Variants in SEMA7A observed in about 807,000 individuals in gnomAD.
The protein encoded by SEMA7A is semaphorin 7A (JohnMiltonHagen blood group).
SEMA7A carries 21 observed loss-of-function variants against 67.5 expected under a neutral mutation model. The observed-to-expected ratio is 0.31, with a 90% CI of 0.22 to 0.45. The LOEUF (loss-of-function observed/expected upper bound fraction) is 0.45. Among genes scored for constraint, SEMA7A ranks in the 20% least tolerant of loss-of-function variants. SEMA7A has a pLI of 1.00. For synonymous variants in SEMA7A, 364 were observed against 368.5 expected (o/e 0.99, Z 0.14); for missense variants, 774 against 908.6 (o/e 0.85, Z 1.90).
At chr15:74,416,028 G>C in intron 7 of SEMA7A, 43 bp from the exon 8 acceptor site, 1 of 1,588,840 alleles carries the variant, frequency 6.3e-7, no homozygotes, top group African/African-American at 1.3e-5. Context: ...GCACCTGCCC[G>C]GGCTTCCCCA....
chr15:74,421,659 C>G (rs1474864727), intron 1 of SEMA7A, among the ~76,000 whole-genome samples: 1 of 152,218 alleles, frequency 6.6e-6, no homozygotes, highest in Non-Finnish European at 1.5e-5. Flanking sequence ...CCCGCACCGC[C>G]TGAGGCCCTC....
chr15:74,418,870 C>T lies in SEMA7A; in HGVS notation c.261G>A (p.Val87=). The part of the protein sequence containing the change: ...VLFHEPGSSS[V]WVGGRGKVYL... ...AGACCTTGCCACGTCCTCCCACCCA[C>T]ACAGAGGAGCTGCCTGGCTCGTGGA... The change falls in exon 2 of 14, where the codon GTG becomes GTA. Residue 87 remains valine, a synonymous_variant. Transcript: ENST00000261918. The T allele has an allele frequency of 6.2e-7, 1 of 1,613,946 alleles. No individual in the cohort carries two copies.
At chr15:74,416,807 G>T in intron 6 of SEMA7A, 93 bp from the exon 7 acceptor site, 1 of 1,399,076 alleles carries the variant, frequency 7.1e-7, no homozygotes, top group Non-Finnish European at 9.9e-7. Flanking sequence ...CTTCGGGTCT[G>T]CACAAACCAT....
chr15:74,411,575 A>G lies in SEMA7A; in HGVS notation c.1558T>C (p.Ser520Pro), dbSNP rs2060900655. 6.3e-7 allele frequency: 1 copy of G among 1,578,186 alleles called. No individual in the cohort carries two copies. Among genetic ancestry groups the G allele is most frequent in the Non-Finnish European group, 8.6e-7 (1 of 1,160,996 alleles). Reference protein sequence around the residue: ...YCGWDQGRCISIYSSERSVLQ... With the variant: ...YCGWDQGRCIPIYSSERSVLQ... ...ACGTACCGTTCGGAGCTGTAGATGG[A>G]GATGCAGCGGCCTTGGTCCCAGCCG... Residue 520 changes from serine to proline, a missense_variant, in exon 12 of 14, where the codon TCC becomes CCC. Ser to Pro is a moderately conservative substitution (Grantham distance 74). Transcript: ENST00000261918. The surrounding 1 kb of genome is among the most constrained non-coding windows in gnomAD (Gnocchi z 4.4).
chr15:74,414,477 T>C lies in SEMA7A; in HGVS notation c.1294+70A>G. 3 of 1,420,280 alleles carry C rather than the reference T, an allele frequency of 2.1e-6. No homozygotes were observed. Among genetic ancestry groups the C allele is most frequent in the Middle Eastern group, 1.8e-4 (1 of 5,640 alleles). The allele number at this position is 1,420,280 out of a possible 1,614,324, so 88.0% of individuals were successfully genotyped here. ...TGTAAAGATCCAACCAGATGTTAAC[T>C]ACATTATTCCTTACACCTTTCATGC... is the stretch of plus-strand genomic sequence containing the variant. On this transcript the variant is annotated intron_variant, in intron 10 of 13. Transcript: ENST00000261918. The surrounding 1 kb of genome is among the most constrained non-coding windows in gnomAD (Gnocchi z 4.1).
intron 1 of SEMA7A, among the ~76,000 whole-genome samples, chr15:74,420,383 A>G (rs2060990299): frequency 6.6e-6 from 1 of 152,192 alleles, no homozygotes; most frequent in Non-Finnish European, 1.5e-5. Context: ...AGCAGGCAGG[A>G]CACATTAGCT....
At position 74,423,037 on chromosome 15, in the gene SEMA7A, G is replaced by A. The variant is rs2061013434; in HGVS notation, c.179-4085C>T. On this transcript the variant is annotated intron_variant, in intron 1 of 13. Transcript: ENST00000261918. The surrounding 1 kb of genome is among the most constrained non-coding windows in gnomAD (Gnocchi z 4.1). The stretch of plus-strand genomic sequence containing the variant: ...AGTGGGCCTTGAATGTAACCTCAAG[G>A]AGCCTTTTGAAAGTGGGCAGAGAGT... Among the ~76,000 whole-genome samples the A allele has an allele frequency of 6.6e-6, 1 of 152,206 alleles. No homozygotes were observed. Among genetic ancestry groups the A allele is most frequent in the Admixed American group, 6.5e-5 (1 of 15,292 alleles).
At chr15:74,417,278 C>T (rs1330331860) in intron 6 of SEMA7A, 57 bp downstream of exon 6, 5 of 1,355,784 alleles carry the variant, frequency 3.7e-6, no homozygotes, top group Non-Finnish European at 5.3e-6. Flanking sequence ...TCCCATCTGC[C>T]ACCTTAAGTG....
rs751497802 is a variant in SEMA7A, at chr15:74,416,693, G to A, written c.683C>T (p.Thr228Ile). 1.2e-5 allele frequency: 20 copies of A among 1,614,002 alleles called. 1 individual carries two copies. In the Admixed American group the frequency reaches 3.2e-4, roughly 26 times the overall value. ...VMQNPQFIKATIVHQDQAYDD... is the reference protein window; with the variant it reads ...VMQNPQFIKAIIVHQDQAYDD... ...GTAAGCCTGGTCTTGGTGCACGATG[G>A]TGGCTTTGATGAACTGTGGGTCTGC... The change falls in exon 7 of 14, where the codon ACC becomes ATC. Residue 228 changes from threonine (T) to isoleucine (I), a missense_variant. Transcript: ENST00000261918.
chr15:74,422,443 C>T (rs545924187), intron 1 of SEMA7A, among the ~76,000 whole-genome samples: 9 of 152,210 alleles, frequency 5.9e-5, no homozygotes, highest in African/African-American at 2.2e-4. Context: ...CAGAGGCAGG[C>T]CAGGAACAAG....
Position 74,411,230 on chromosome 15 carries a change from A to G in SEMA7A, c.1639+65T>C, listed in dbSNP as rs1267090802. 4.5e-6 allele frequency: 7 copies of G among 1,541,174 alleles called. No homozygotes were observed. The East Asian group carries it at 1.6e-4, about 35-fold the overall frequency. On this transcript the variant is annotated intron_variant, in intron 13 of 13. Coordinates refer to ENST00000261918, the MANE Select transcript of SEMA7A (RefSeq NM_003612.5). This position sits in a 1 kb window ranked among gnomAD's most constrained non-coding sequence, Gnocchi z 4.4. ...AAGGCCATGTCTCCCTCAGACCAGG[A>G]CAATCAGGGCAGGGCAGTACCCCAC... is the stretch of plus-strand genomic sequence containing the variant.
chr15:74,416,501 C>A, intron 7 of SEMA7A, 74 bp downstream of exon 7: 2 of 1,505,200 alleles, frequency 1.3e-6, no homozygotes, highest in Middle Eastern at 1.8e-4. Flanking sequence ...TGCACACGGA[C>A]ACACAGAACT....
At chr15:74,413,165 C>T (rs2060916658) in intron 10 of SEMA7A, among the ~76,000 whole-genome samples, 1 of 151,720 alleles carries the variant, frequency 6.6e-6, no homozygotes, top group Non-Finnish European at 1.5e-5. Context: ...CTCCTTGGGC[C>T]TGATAAGGCC....
At position 74,423,592 on chromosome 15, in the gene SEMA7A, T is replaced by C. The variant is rs2061018213; in HGVS notation, c.179-4640A>G. Reference sequence around the variant, plus strand: ...ATCATCCCTACTCTACCCTTCCCTCTCTTGCTCACTAGGTGCCGAGTCACT... The same window carrying C: ...ATCATCCCTACTCTACCCTTCCCTCCCTTGCTCACTAGGTGCCGAGTCACT... On this transcript the variant is annotated intron_variant, in intron 1 of 13. Transcript: ENST00000261918. This position sits in a 1 kb window ranked among gnomAD's most constrained non-coding sequence, Gnocchi z 4.1. 6.6e-6 allele frequency among the ~76,000 whole-genome samples: 1 copy of C among 152,134 alleles called. No homozygotes were observed. The highest frequency in any genetic ancestry group is 1.5e-5 in the Non-Finnish European group (1 of 68,018).
In SEMA7A at chr15:74,417,937, C is replaced by G. The variant is rs762404415; in HGVS notation, c.405G>C (p.Arg135Ser). 1.9e-6 allele frequency: 3 copies of G among 1,613,200 alleles called. No individual in the cohort carries two copies. The highest frequency in any genetic ancestry group is 2.7e-5 in the African/African-American group (2 of 74,930). Reference protein sequence around the residue: ...DCENYITLLERRSEGLLACGT... With the variant: ...DCENYITLLESRSEGLLACGT... ...CACAGGCCAGCAGCCCCTCACTCCG[C>G]CTCTCCAGGAGAGTGATGTAGTTCT... Residue 135 changes from arginine (R) to serine (S), a missense_variant, in exon 4 of 14, where the codon AGG (arginine) becomes AGC (serine). Around this residue, in one of 2 missense-constraint regions of SEMA7A, gnomAD observed 347 missense variants for 353.2 expected, o/e 0.98. Coordinates refer to ENST00000261918, the MANE Select transcript of SEMA7A (RefSeq NM_003612.5).
At chr15:74,420,237 ACCTT>A (rs1400403070) in intron 1 of SEMA7A, among the ~76,000 whole-genome samples, 2 of 152,160 alleles carry the variant, frequency 1.3e-5, no homozygotes, top group African/African-American at 2.4e-5. Flanking sequence ...GTGCCACCAC[ACCTT>A]CATTCTTTAA....
intron 4 of SEMA7A, 68 bp downstream of exon 4, chr15:74,417,809 C>T: frequency 6.3e-7 from 1 of 1,578,100 alleles, no homozygotes. Flanking sequence ...CTCCTTCCCA[C>T]CATGAGGGGC....
chr15:74,417,202 T>C (rs975714056), intron 6 of SEMA7A, 133 bp downstream of exon 6: 10 of 729,886 alleles, frequency 1.4e-5, no homozygotes, highest in East Asian at 1.2e-4. Flanking sequence ...CTCAGGCCTA[T>C]ACCAAGGTCC....
chr15:74,419,792 A>G (rs1418576502), intron 1 of SEMA7A, among the ~76,000 whole-genome samples: 1 of 152,188 alleles, frequency 6.6e-6, no homozygotes, highest in Non-Finnish European at 1.5e-5. Context: ...GGACAGGGGA[A>G]CCTTCACAGA....
Sources: gnomAD v4.1 joint callset for allele counts (sites outside exome capture counted in the v4.1 genomes callset) on GRCh38, gnomAD v4.1.1 for gene constraint, gnomAD v4.1.1 regional missense constraint, Gnocchi (gnomAD v3.1) non-coding constraint, MANE v1.5 for transcripts, NCBI Gene and HGNC (gene_info 2026-07-23, HGNC 2026-07-21) for gene names.